The following EVC2 variants were observed in gnomAD, a reference collection of about 807,000 sequenced individuals.
EVC2 encodes the protein EvC ciliary complex subunit 2.
EVC2 carries 148 observed loss-of-function variants against 149.3 expected under a neutral mutation model. The observed-to-expected ratio is 0.99, with a 90% CI of 0.87 to 1.14. The LOEUF is 1.14. Among genes scored for constraint, EVC2 ranks in the 50% most tolerant of loss-of-function variants. The pLI is 0.00. For synonymous variants in EVC2, 776 were observed against 649.9 expected (o/e 1.19, Z -2.95); for missense variants, 1,854 against 1,627.3 (o/e 1.14, Z -2.40).
intron 9 of EVC2, among the ~76,000 whole-genome samples, chr4:5,650,636 T>TAGAGAGAGAGAGAG (rs1412059399): frequency 2.5e-4 from 14 of 55,664 alleles, no homozygotes; most frequent in Non-Finnish European, 4.5e-4. Context: ...TATATATATA[T>TAGAGAGAGAGAGAG]ATAGAGAGAG....
intron 17 of EVC2, among the ~76,000 whole-genome samples, chr4:5,582,190 G>A (rs1711857171): frequency 6.6e-6 from 1 of 152,178 alleles, no homozygotes; most frequent in Admixed American, 6.5e-5. Context: ...TCTAGATTCT[G>A]GAATGATAGA....
intron 1 of EVC2, among the ~76,000 whole-genome samples, chr4:5,707,279 T>G (rs1722266935): frequency 6.6e-6 from 1 of 152,138 alleles, no homozygotes; most frequent in Non-Finnish European, 1.5e-5. Flanking sequence ...AGTGAAAACC[T>G]AAAGACAGAA....
chr4:5,659,405 G>GA (rs60976903), intron 9 of EVC2, among the ~76,000 whole-genome samples: 2,302 of 107,238 alleles, frequency 0.021, 51 homozygotes, highest in African/African-American at 0.064. Flanking sequence ...TGCTATAATT[G>GA]AAAAAAAAAA....
intron 14 of EVC2, among the ~76,000 whole-genome samples, chr4:5,619,352 T>C (rs1715511569): frequency 6.6e-6 from 1 of 152,172 alleles, no homozygotes; most frequent in African/African-American, 2.4e-5. Context: ...CTTAATGCAA[T>C]ATAACTGGTG....
At chr4:5,644,765 G>A (rs1323032639) in intron 9 of EVC2, among the ~76,000 whole-genome samples, 1 of 152,150 alleles carries the variant, frequency 6.6e-6, no homozygotes, top group African/African-American at 2.4e-5. Flanking sequence ...TCACATATGA[G>A]TGAGAACATG....
At position 5,622,380 on chromosome 4, in the gene EVC2, C is replaced by A. The variant is rs1209799365; in HGVS notation, c.2501+157G>T. ...CCTGCGTGACATTCGAGGTCCTCCC[C>A]CCGGGGCGTTGAGTTTATATGACTA... On this transcript the variant is annotated intron_variant, in intron 14 of 21. Coordinates refer to ENST00000344408, the MANE Select transcript of EVC2 (RefSeq NM_147127.5). The surrounding 1 kb of genome is among the most constrained non-coding windows in gnomAD (Gnocchi z 5.8). Among the ~76,000 whole-genome samples, 3 of 152,054 alleles carry A rather than the reference C, an allele frequency of 2.0e-5. No homozygotes were observed. Among genetic ancestry groups the A allele is most frequent in the East Asian group, 3.9e-4 (2 of 5,168 alleles).
Position 5,682,360 on chromosome 4 carries a change from G to A in EVC2, c.817-1047C>T, listed in dbSNP as rs868690319. 8.4e-4 allele frequency among the ~76,000 whole-genome samples: 127 copies of A among 151,752 alleles called. 1 individual carries two copies. The highest frequency in any genetic ancestry group is 2.9e-3 in the African/African-American group (119 of 41,388). ...CAAAAATTAGCTGGGTGTGGTGGCG[G>A]GCACCTGTAATTCCAGCTACTCAGG... On this transcript the variant is annotated intron_variant, in intron 6 of 21. Coordinates refer to ENST00000344408, the MANE Select transcript of EVC2 (RefSeq NM_147127.5).
chr4:5,606,116 A>G (rs1413791451), intron 16 of EVC2, among the ~76,000 whole-genome samples: 1 of 152,168 alleles, frequency 6.6e-6, no homozygotes, highest in African/African-American at 2.4e-5. Context: ...CCCACCAAAT[A>G]TTCTCTACAA....
Position 5,576,881 on chromosome 4 carries a change from A to G in EVC2, c.3058-427T>C, listed in dbSNP as rs1268747536. 6.6e-6 allele frequency among the ~76,000 whole-genome samples: 1 copy of G among 152,156 alleles called. No individual in the cohort carries two copies. The highest frequency in any genetic ancestry group is 1.5e-5 in the Non-Finnish European group (1 of 68,016). Reference sequence around the variant, plus strand: ...TCACTGTCCTGTGCCTTTCTGCTACAGTGTGAGCTCTTTGAGGGCAGGGCT... The same window carrying G: ...TCACTGTCCTGTGCCTTTCTGCTACGGTGTGAGCTCTTTGAGGGCAGGGCT... On this transcript the variant is annotated intron_variant, in intron 17 of 21. Transcript: ENST00000344408. This position sits in a 1 kb window ranked among gnomAD's most constrained non-coding sequence, Gnocchi z 4.5.
At position 5,584,740 on chromosome 4, in the gene EVC2, C is replaced by T. The variant is rs2108788600; in HGVS notation, c.2940G>A (p.Glu980=). 17 of 1,614,166 alleles carry T rather than the reference C, an allele frequency of 1.1e-5. No homozygotes were observed. Among genetic ancestry groups the T allele is most frequent in the Non-Finnish European group, 1.4e-5 (17 of 1,180,036 alleles). Residue 980 remains glutamate (E), a synonymous_variant, in exon 17 of 22, where the codon GAG becomes GAA. Coordinates refer to ENST00000344408, the MANE Select transcript of EVC2 (RefSeq NM_147127.5). ...GGAGGGCGGTGTAGGCCGACAGAGT[C>T]TCGGTCACCCGGGACGCCTTCTGGA... is the stretch of plus-strand genomic sequence containing the variant. The part of the protein sequence containing the change: ...LQFQKASRVT[E]TLSAYTALLS...
At chr4:5,645,323 C>CA (rs1717634574) in intron 9 of EVC2, among the ~76,000 whole-genome samples, 1 of 148,580 alleles carries the variant, frequency 6.7e-6, no homozygotes, top group Non-Finnish European at 1.5e-5. Flanking sequence ...AAACTTGTGT[C>CA]ATGGGGGTTT....
At chr4:5,570,864 G>A (rs551245298) in intron 19 of EVC2, among the ~76,000 whole-genome samples, 5 of 152,254 alleles carry the variant, frequency 3.3e-5, no homozygotes, top group South Asian at 4.2e-4. Context: ...TGGAGCTGGA[G>A]GCCATTATTC....
intron 21 of EVC2, among the ~76,000 whole-genome samples, chr4:5,544,914 TC>T (rs1287462087): frequency 2.0e-5 from 3 of 152,122 alleles, no homozygotes; most frequent in South Asian, 4.1e-4. Context: ...GCCTCCTCAC[TC>T]CTGTCTCTCC....
downstream of EVC2, among the ~76,000 whole-genome samples, chr4:5,560,787 G>A (rs750323790): frequency 2.6e-5 from 4 of 152,096 alleles, no homozygotes; most frequent in Admixed American, 1.3e-4. This position sits in a 1 kb window ranked among gnomAD's most constrained non-coding sequence, Gnocchi z 4.1. Flanking sequence ...TGTAAAGTAC[G>A]ACATTAGGAT....
rs189652207 is a variant in EVC2 at position 5,588,085 on chromosome 4, C to G, written c.2830-3235G>C. 2.1e-3 allele frequency among the ~76,000 whole-genome samples: 326 copies of G among 152,160 alleles called. 2 individuals carry two copies. The highest frequency in any genetic ancestry group is 7.5e-3 in the African/African-American group (310 of 41,514). On this transcript the variant is annotated intron_variant, in intron 16 of 21. Transcript: ENST00000344408. The stretch of plus-strand genomic sequence containing the variant: ...ATAACATTTCTTGGAGTATGAATCT[C>G]CTAGTAAGGAAAACTTTCAGCATTG...
At chr4:5,598,958 A>T (rs1335051459) in intron 16 of EVC2, among the ~76,000 whole-genome samples, 2 of 152,204 alleles carry the variant, frequency 1.3e-5, no homozygotes, top group Non-Finnish European at 2.9e-5. Context: ...CAGCCAAAAG[A>T]CACATGAAAA....
chr4:5,550,140 C>T (rs1721708585), intron 21 of EVC2, among the ~76,000 whole-genome samples: 2 of 152,224 alleles, frequency 1.3e-5, no homozygotes, highest in South Asian at 4.1e-4. Context: ...TAAATTGGTA[C>T]TGGGAGTGGG....
At chr4:5,681,618 A>T (rs1720351342) in intron 6 of EVC2, among the ~76,000 whole-genome samples, 1 of 152,196 alleles carries the variant, frequency 6.6e-6, no homozygotes, top group Admixed American at 6.5e-5. Flanking sequence ...CCTGTGACCA[A>T]GGCAGGTCAC....
intron 12 of EVC2, among the ~76,000 whole-genome samples, chr4:5,628,053 T>C (rs901494690): frequency 6.6e-6 from 1 of 152,206 alleles, no homozygotes; most frequent in South Asian, 2.1e-4. Context: ...TTTAAAATTC[T>C]GTAACACAAA....
Sources: gnomAD v4.1 joint callset for allele counts (sites outside exome capture counted in the v4.1 genomes callset) on GRCh38, gnomAD v4.1.1 for gene constraint, Gnocchi (gnomAD v3.1) non-coding constraint, MANE v1.5 for transcripts, NCBI Gene and HGNC (gene_info 2026-07-23, HGNC 2026-07-21) for gene names.